SPMIP7: variants seen among roughly 807,000 people sequenced by gnomAD.
SPMIP7 encodes the protein sperm microtubule inner protein 7.
chr7:50,153,996 G>A, the SPMIP7 span, among the ~76,000 whole-genome samples: 8 of 152,146 alleles, frequency 5.3e-5, no homozygotes, highest in Non-Finnish European at 1.2e-4. Flanking sequence ...CAGGCCATTT[G>A]ATGAGAAACA....
At chr7:50,154,123 G>C in the SPMIP7 span, among the ~76,000 whole-genome samples, 6 of 151,934 alleles carry the variant, frequency 3.9e-5, no homozygotes, top group Admixed American at 6.6e-5. Flanking sequence ...ATTCTGTTGT[G>C]TATATCATCC....
chr7:50,145,509 T>A, the SPMIP7 span, among the ~76,000 whole-genome samples: 1 of 146,444 alleles, frequency 6.8e-6, no homozygotes, highest in South Asian at 2.2e-4. Flanking sequence ...GGAAAGAGTG[T>A]TGGGGTACTT....
the SPMIP7 span, among the ~76,000 whole-genome samples, chr7:50,147,720 T>A: frequency 6.6e-6 from 1 of 152,250 alleles, no homozygotes; most frequent in African/African-American, 2.4e-5. Context: ...TTAAATTACT[T>A]AATTTCTATT....
the SPMIP7 span, among the ~76,000 whole-genome samples, chr7:50,121,944 AC>A: frequency 6.9e-6 from 1 of 144,130 alleles, no homozygotes; most frequent in Admixed American, 7.2e-5. Flanking sequence ...GGCATGAGCC[AC>A]CACACCTGGC....
the SPMIP7 span, among the ~76,000 whole-genome samples, chr7:50,136,947 T>C: frequency 7.2e-5 from 11 of 152,210 alleles, no homozygotes; most frequent in Admixed American, 5.2e-4. Flanking sequence ...AAATAAAATA[T>C]TACTTACACA....
At chr7:50,121,808 C>A in the SPMIP7 span, among the ~76,000 whole-genome samples, 5 of 142,452 alleles carry the variant, frequency 3.5e-5, no homozygotes, top group Non-Finnish European at 7.6e-5. Flanking sequence ...CACTTGCCAT[C>A]ATGCCCAGCT....
the SPMIP7 span, among the ~76,000 whole-genome samples, chr7:50,132,863 G>A: frequency 9.2e-5 from 14 of 152,162 alleles, 1 homozygote; most frequent in South Asian, 2.9e-3. Flanking sequence ...TTTTTGTAAT[G>A]GTCCTTTTTC....
the SPMIP7 span, chr7:50,136,016 G>T: frequency 3.0e-6 from 3 of 993,870 alleles, no homozygotes; most frequent in South Asian, 2.8e-5. Context: ...ACGTAGAAAG[G>T]ACTGTCAAGG....
chr7:50,120,447 A>G, the SPMIP7 span: 4 of 152,252 alleles, frequency 2.6e-5, no homozygotes, highest in Admixed American at 2.6e-4. Flanking sequence ...TTAATGGAAC[A>G]CTGTACGGTG....
At chr7:50,122,005 T>G in the SPMIP7 span, among the ~76,000 whole-genome samples, 1 of 152,126 alleles carries the variant, frequency 6.6e-6, no homozygotes, top group Non-Finnish European at 1.5e-5. Flanking sequence ...TGAACATGGA[T>G]ATATTTGGAG....
At chr7:50,119,084 G>A in the SPMIP7 span, among the ~76,000 whole-genome samples, 1 of 152,172 alleles carries the variant, frequency 6.6e-6, no homozygotes, top group Non-Finnish European at 1.5e-5. Context: ...AGAACCTGGA[G>A]ATTGGATCTT....
At chr7:50,158,915 C>T in the SPMIP7 span, 2 of 863,878 alleles carry the variant, frequency 2.3e-6, no homozygotes, top group Middle Eastern at 2.3e-4. Flanking sequence ...CACGAGTCAT[C>T]CTCGCTCCCT....
chr7:50,128,605 A>G, the SPMIP7 span, among the ~76,000 whole-genome samples: 2 of 152,038 alleles, frequency 1.3e-5, no homozygotes, highest in African/African-American at 4.8e-5. Flanking sequence ...TTATGTATCA[A>G]TACAAATACA....
At chr7:50,128,195 A>G in the SPMIP7 span, among the ~76,000 whole-genome samples, 4 of 152,010 alleles carry the variant, frequency 2.6e-5, no homozygotes, top group Admixed American at 1.3e-4. Flanking sequence ...TCATTATGTT[A>G]AATAAAATAA....
chr7:50,125,351 C>CATATATAT, the SPMIP7 span, among the ~76,000 whole-genome samples: 10 of 144,826 alleles, frequency 6.9e-5, 1 homozygote, highest in South Asian at 8.6e-4. Flanking sequence ...TATATATACA[C>CATATATAT]ACATATATAT....
chr7:50,127,986 A>G, the SPMIP7 span, among the ~76,000 whole-genome samples: 3 of 151,970 alleles, frequency 2.0e-5, no homozygotes, highest in Non-Finnish European at 4.4e-5. Context: ...AGAAAGGAAA[A>G]CAATATATCG....
chr7:50,126,866 A>T, the SPMIP7 span, among the ~76,000 whole-genome samples: 1 of 152,024 alleles, frequency 6.6e-6, no homozygotes, highest in Non-Finnish European at 1.5e-5. Flanking sequence ...GAAAAAGGAA[A>T]TCACAAGCAG....
At chr7:50,107,956 G>C in the SPMIP7 span, among the ~76,000 whole-genome samples, 4 of 152,300 alleles carry the variant, frequency 2.6e-5, no homozygotes, top group Middle Eastern at 3.4e-3. Context: ...ATAGTTTATG[G>C]TAATTGCATT....
chr7:50,145,618 G>GTA, the SPMIP7 span, among the ~76,000 whole-genome samples: 689 of 27,604 alleles, frequency 0.025, 11 homozygotes, highest in Middle Eastern at 0.036. Context: ...ATATGTGTGT[G>GTA]TATATATATA....
Sources: allele counts gnomAD v4.1 joint callset (sites outside exome capture counted in the v4.1 genomes callset), GRCh38; gene constraint gnomAD v4.1.1; transcripts MANE v1.5; gene names NCBI Gene and HGNC (gene_info 2026-07-23, HGNC 2026-07-21).